Variants in SLC30A9 observed in about 807,000 individuals in gnomAD.
The protein encoded by SLC30A9 is solute carrier family 30 member 9.
SLC30A9 carries 58 observed loss-of-function variants against 87.5 expected under a neutral mutation model. That is an observed-to-expected ratio of 0.66 (90% CI 0.54 to 0.82). The LOEUF is 0.82. Among genes scored for constraint, SLC30A9 ranks in the 40% least tolerant of loss-of-function variants. SLC30A9 has a pLI of 0.00. For synonymous variants in SLC30A9, 234 were observed against 233.0 expected, an observed-to-expected ratio of 1.00 and a Z score of -0.04; for missense variants, 557 against 679.1, an observed-to-expected ratio of 0.82 and a Z score of 2.00.
At chr4:42,060,100 A>T in intron 9 of SLC30A9, 91 bp from the exon 10 acceptor site, 1 of 945,634 alleles carries the variant, frequency 1.1e-6, no homozygotes, top group Non-Finnish European at 1.7e-6. Flanking sequence ...TTTCTTTGTC[A>T]TTGTTAGCCT....
At position 41,990,671 on chromosome 4, in the gene SLC30A9, C is replaced by G. The variant is rs753988839; in HGVS notation, c.20C>G (p.Ala7Gly). 6.2e-7 allele frequency: 1 copy of G among 1,607,634 alleles called. No homozygotes were observed. The highest frequency in any genetic ancestry group is 2.2e-5 in the East Asian group (1 of 44,692). ...ACCAGGATGTTACCCGGCTTGGCCGCCGCCGCGGCCCACAGATGTAGCTGG... is the reference window on the plus strand; with the variant it reads ...ACCAGGATGTTACCCGGCTTGGCCGGCGCCGCGGCCCACAGATGTAGCTGG... Reference protein sequence around the residue: MLPGLAAAAAHRCSWSS... With the variant: MLPGLAGAAAHRCSWSS... Residue 7 changes from alanine (A) to glycine (G), a missense_variant, in exon 1 of 18, where the codon GCC becomes GGC. Transcript: ENST00000264451.
chr4:42,065,377 ATTC>A (rs1285682534), intron 12 of SLC30A9, 28 bp downstream of exon 12: 1 of 1,181,330 alleles, frequency 8.5e-7, no homozygotes, highest in African/African-American at 1.5e-5. Flanking sequence ...GTATGTCTCT[ATTC>A]TTAATTTAGT....
intron 15 of SLC30A9, among the ~76,000 whole-genome samples, chr4:42,075,353 C>T (rs1357980431): frequency 6.6e-6 from 1 of 151,716 alleles, no homozygotes; most frequent in Non-Finnish European, 1.5e-5. Context: ...GGATTACAGG[C>T]ATGAGCCACT....
At chr4:42,003,976 T>C (rs1715090438) in intron 2 of SLC30A9, among the ~76,000 whole-genome samples, 1 of 152,214 alleles carries the variant, frequency 6.6e-6, no homozygotes, top group Admixed American at 6.5e-5. Context: ...TCTATTCTGC[T>C]CTTTCTCTGC....
intron 6 of SLC30A9, chr4:42,030,173 A>T: frequency 2.9e-6 from 2 of 678,654 alleles, no homozygotes; most frequent in Middle Eastern, 5.9e-4. Context: ...TTAAAAAAAG[A>T]TACAAAAGCC....
At chr4:42,081,800 A>G (rs1718747811) in intron 17 of SLC30A9, among the ~76,000 whole-genome samples, 1 of 152,224 alleles carries the variant, frequency 6.6e-6, no homozygotes, top group Non-Finnish European at 1.5e-5. Context: ...TTGTTTAGCT[A>G]ACTTTGTACT....
At chr4:42,047,698 A>G (rs748385250) in intron 8 of SLC30A9, among the ~76,000 whole-genome samples, 2 of 152,238 alleles carry the variant, frequency 1.3e-5, no homozygotes, top group South Asian at 4.1e-4. Flanking sequence ...AGAACCGGAA[A>G]TACCATTTGA....
rs1021884478 is a variant in SLC30A9 at position 42,087,581 on chromosome 4, G to A, written c.*1455G>A. 4 of 131,352 alleles carry A rather than the reference G, an allele frequency of 3.0e-5. No individual in the cohort carries two copies. Among genetic ancestry groups the A allele is most frequent in the East Asian group, 2.6e-4 (1 of 3,892 alleles). 8.1% of individuals were successfully genotyped at this position (131,352 alleles called of 1,614,324 possible). On this transcript the variant is annotated 3_prime_UTR_variant, in exon 18 of 18. Transcript: ENST00000264451. Reference sequence around the variant, plus strand: ...TTACTGGAAAATTGTGAGACTTTACGTTGGTGTATTTTTCTTTTTTTTTTT... The same window carrying A: ...TTACTGGAAAATTGTGAGACTTTACATTGGTGTATTTTTCTTTTTTTTTTT...
rs150864653 is a variant in SLC30A9, at chr4:42,057,066, C to T, written c.841-3125C>T. 1.1e-4 allele frequency among the ~76,000 whole-genome samples: 16 copies of T among 152,348 alleles called. No homozygotes were observed. In the East Asian group the frequency reaches 3.1e-3, roughly 29 times the overall value. The stretch of plus-strand genomic sequence containing the variant: ...GCCATGGGCAACTCCACCTCTTTAG[C>T]TCTGCAGGATATAGCCCACTTTTGG... On this transcript the variant is annotated intron_variant, in intron 9 of 17. Transcript: ENST00000264451.
At chr4:42,010,383 G>A (rs970343366) in intron 2 of SLC30A9, among the ~76,000 whole-genome samples, 4 of 152,010 alleles carry the variant, frequency 2.6e-5, no homozygotes, top group African/African-American at 7.2e-5. Flanking sequence ...AGGCCGAGAC[G>A]GGAGGATCAC....
At chr4:42,000,800 C>T (rs907178086) in intron 1 of SLC30A9, among the ~76,000 whole-genome samples, 1 of 152,026 alleles carries the variant, frequency 6.6e-6, no homozygotes, top group African/African-American at 2.4e-5. Context: ...AACCCTCCAT[C>T]CTTGGAAAAA....
In SLC30A9 at chr4:42,057,552, G is replaced by A. The variant is rs558046322; in HGVS notation, c.841-2639G>A. ...AAGCTCCCAGACTGCACACAGCAGAGGGACCCTAGGCCCAGCCCACAAAAC... is the reference window on the plus strand; with the variant it reads ...AAGCTCCCAGACTGCACACAGCAGAAGGACCCTAGGCCCAGCCCACAAAAC... On this transcript the variant is annotated intron_variant, in intron 9 of 17. Coordinates refer to ENST00000264451, the MANE Select transcript of SLC30A9 (RefSeq NM_006345.4). Among the ~76,000 whole-genome samples, 217 of 152,250 alleles carry A rather than the reference G, an allele frequency of 1.4e-3. 1 individual carries two copies. The highest frequency in any genetic ancestry group is 4.9e-3 in the African/African-American group (204 of 41,568).
intron 6 of SLC30A9, among the ~76,000 whole-genome samples, chr4:42,033,761 G>A (rs561602903): frequency 1.6e-4 from 25 of 152,226 alleles, no homozygotes; most frequent in African/African-American, 5.5e-4. Context: ...ATTTTTAGTA[G>A]AGACGGGGTT....
intron 2 of SLC30A9, among the ~76,000 whole-genome samples, chr4:42,016,875 A>G (rs562357397): frequency 2.0e-5 from 3 of 152,316 alleles, no homozygotes; most frequent in Non-Finnish European, 4.4e-5. Context: ...GTTTACAACA[A>G]CAGAACAGAG....
intron 2 of SLC30A9, among the ~76,000 whole-genome samples, chr4:42,007,388 A>C (rs1424282517): frequency 6.6e-6 from 1 of 152,200 alleles, no homozygotes; most frequent in Non-Finnish European, 1.5e-5. Flanking sequence ...AGGTCTTAAC[A>C]GATGATGCAG....
At chr4:42,039,611 C>CAT (rs1716837899) in intron 8 of SLC30A9, among the ~76,000 whole-genome samples, 1 of 151,436 alleles carries the variant, frequency 6.6e-6, no homozygotes, top group Non-Finnish European at 1.5e-5. Context: ...TATAGGTGCG[C>CAT]GCCATCATGC....
intron 10 of SLC30A9, among the ~76,000 whole-genome samples, chr4:42,061,946 G>A (rs186756817): frequency 6.6e-6 from 1 of 151,064 alleles, no homozygotes. Context: ...TGTAATCCCA[G>A]CACTTTGGGA....
intron 9 of SLC30A9, among the ~76,000 whole-genome samples, chr4:42,053,968 A>T (rs1046756480): frequency 2.6e-5 from 4 of 152,178 alleles, no homozygotes; most frequent in African/African-American, 9.7e-5. Flanking sequence ...GGGAGGAAAG[A>T]GGCACAGGGA....
chr4:42,004,064 G>A (rs1210128764), intron 2 of SLC30A9, among the ~76,000 whole-genome samples: 1 of 152,118 alleles, frequency 6.6e-6, no homozygotes, highest in Non-Finnish European at 1.5e-5. Flanking sequence ...TGATCTTTCT[G>A]TCTGATGTAC....
Sources: allele counts gnomAD v4.1 joint callset (sites outside exome capture counted in the v4.1 genomes callset), GRCh38; gene constraint gnomAD v4.1.1; transcripts MANE v1.5; gene names NCBI Gene and HGNC (gene_info 2026-07-23, HGNC 2026-07-21).